Variants in MPHOSPH10 observed in about 807,000 individuals in gnomAD.
MPHOSPH10 encodes U3 small nucleolar ribonucleoprotein MPP10.
A neutral mutation model predicts 77.3 loss-of-function variants in MPHOSPH10; 33 were observed. That is an observed-to-expected ratio of 0.43 (90% CI 0.32 to 0.57). The LOEUF (loss-of-function observed/expected upper bound fraction) is 0.57, where lower values mean the gene tolerates loss of function less well. Ranked by LOEUF, MPHOSPH10 falls within the 20% of genes least tolerant of loss-of-function variation. MPHOSPH10 has a pLI of 0.07. For missense variants in MPHOSPH10, 708 were observed against 780.1 expected (o/e 0.91, Z 1.10); for synonymous variants, 245 against 268.0 (o/e 0.91, Z 0.84).
intron 1 of MPHOSPH10, among the ~76,000 whole-genome samples, chr2:71,131,643 T>G (rs1673382187): frequency 6.6e-6 from 1 of 151,782 alleles, no homozygotes; most frequent in African/African-American, 2.4e-5. Flanking sequence ...TTTATAGGAG[T>G]TGGGTAGGTA....
At chr2:71,138,975 A>G in intron 5 of MPHOSPH10, 1 of 544,744 alleles carries the variant, frequency 1.8e-6, no homozygotes, top group Admixed American at 3.1e-5. Context: ...GGGAGGTTGC[A>G]GTGAGCCAAG....
At chr2:71,140,309 C>G (rs72905528) in intron 6 of MPHOSPH10, among the ~76,000 whole-genome samples, 6,181 of 152,218 alleles carry the variant, frequency 0.041, 377 homozygotes, top group African/African-American at 0.13. Flanking sequence ...GGTCGAGGGG[C>G]CTTCTTACCA....
intron 9 of MPHOSPH10, chr2:71,148,993 G>C (rs1224358046): frequency 1.9e-6 from 1 of 536,794 alleles, no homozygotes; most frequent in African/African-American, 1.9e-5. Context: ...ATTAGTTTGG[G>C]AACTGAACCG....
chr2:71,134,540 G>T, intron 3 of MPHOSPH10, 86 bp from the exon 4 acceptor site: 1 of 1,282,118 alleles, frequency 7.8e-7, no homozygotes, highest in Non-Finnish European at 1.1e-6. Flanking sequence ...TATAAAATAA[G>T]AACTTTATTA....
At chr2:71,149,567 A>G in intron 10 of MPHOSPH10, 114 bp downstream of exon 10, 1 of 975,968 alleles carries the variant, frequency 1.0e-6, no homozygotes, top group Non-Finnish European at 1.5e-6. Flanking sequence ...CGGGATAGAG[A>G]TGCATGATGC....
At chr2:71,145,659 C>T (rs1673691945) in intron 8 of MPHOSPH10, among the ~76,000 whole-genome samples, 2 of 152,154 alleles carry the variant, frequency 1.3e-5, no homozygotes, top group African/African-American at 2.4e-5. Context: ...AATTTCTCAA[C>T]TCCTCTTGTC....
intron 1 of MPHOSPH10, among the ~76,000 whole-genome samples, 188 bp from the exon 2 acceptor site, chr2:71,132,710 G>C (rs1050388274): frequency 6.6e-6 from 1 of 152,202 alleles, no homozygotes; most frequent in Non-Finnish European, 1.5e-5. Flanking sequence ...CCGATTCACA[G>C]ATACTTGGTT....
At chr2:71,136,829 A>G (rs7596411) in intron 4 of MPHOSPH10, among the ~76,000 whole-genome samples, 1 of 147,884 alleles carries the variant, frequency 6.8e-6, no homozygotes, top group Non-Finnish European at 1.5e-5. Context: ...CATATAAAGA[A>G]TAAAGTAGAA....
intron 8 of MPHOSPH10, among the ~76,000 whole-genome samples, chr2:71,145,360 C>T (rs180832799): frequency 1.6e-4 from 24 of 152,326 alleles, no homozygotes; most frequent in Non-Finnish European, 1.8e-4. Context: ...CTTTATGATG[C>T]AGGCAATCGC....
chr2:71,141,050 C>T (rs1673600687), intron 6 of MPHOSPH10, among the ~76,000 whole-genome samples, 182 bp from the exon 7 acceptor site: 1 of 150,642 alleles, frequency 6.6e-6, no homozygotes, highest in African/African-American at 2.4e-5. Flanking sequence ...TTTGCTTACT[C>T]TGTAATAAGT....
Position 71,144,414 on chromosome 2 carries a change from A to G in MPHOSPH10, c.1447-14A>G, listed in dbSNP as rs767352942. The G allele has an allele frequency of 1.1e-5, 17 of 1,600,446 alleles. No homozygotes were observed. Among genetic ancestry groups the G allele is most frequent in the Non-Finnish European group, 1.5e-5 (17 of 1,168,008 alleles). On this transcript the variant is annotated splice_polypyrimidine_tract_variant and intron_variant, in intron 7 of 10. Coordinates refer to ENST00000244230, the MANE Select transcript of MPHOSPH10 (RefSeq NM_005791.3). ...AAGTCGCTTAGTTTGACATTGTTGA[A>G]CTTATTTCCTAAGCAAAAAACAGCA...
chr2:71,137,395 A>C (rs1052855173), intron 4 of MPHOSPH10, among the ~76,000 whole-genome samples: 2 of 152,212 alleles, frequency 1.3e-5, no homozygotes, highest in Admixed American at 6.5e-5. Flanking sequence ...GCGGTGGCTC[A>C]TGCCTGTAAT....
intron 8 of MPHOSPH10, among the ~76,000 whole-genome samples, chr2:71,145,058 A>C (rs1209528184): frequency 6.6e-6 from 1 of 152,120 alleles, no homozygotes. Flanking sequence ...GGAGAGTGAG[A>C]ACTAACTCTG....
rs1673531841 is a variant in MPHOSPH10, at chr2:71,138,166, T to C, written c.1099-324T>C. 2.6e-5 allele frequency among the ~76,000 whole-genome samples: 4 copies of C among 152,240 alleles called. No homozygotes were observed. In the South Asian group the frequency reaches 6.2e-4, roughly 24 times the overall value. ...GGTCAGACTCCATCAGATACTAATA[T>C]TCTAATCAAAGAATTACTTGACTTG... On this transcript the variant is annotated intron_variant, in intron 4 of 10. Transcript: ENST00000244230.
intron 1 of MPHOSPH10, among the ~76,000 whole-genome samples, chr2:71,131,927 G>A (rs1297498846): frequency 6.6e-6 from 1 of 152,176 alleles, no homozygotes; most frequent in Non-Finnish European, 1.5e-5. Flanking sequence ...TATATGTGCA[G>A]GTCACAGGGG....
intron 7 of MPHOSPH10, among the ~76,000 whole-genome samples, chr2:71,141,698 T>A (rs1394249137): frequency 6.6e-6 from 1 of 152,204 alleles, no homozygotes; most frequent in Non-Finnish European, 1.5e-5. Flanking sequence ...GATTATGAAT[T>A]CATTCTGATT....
At chr2:71,144,698 A>G (rs1037823882) in intron 8 of MPHOSPH10, among the ~76,000 whole-genome samples, 160 bp downstream of exon 8, 5 of 152,212 alleles carry the variant, frequency 3.3e-5, no homozygotes, top group Admixed American at 1.3e-4. Flanking sequence ...TTCTGGTCCC[A>G]TGACAGTTCT....
chr2:71,149,526 G>A (rs1673779578), intron 10 of MPHOSPH10, 73 bp downstream of exon 10: 1 of 1,405,222 alleles, frequency 7.1e-7, no homozygotes, highest in East Asian at 2.3e-5. Flanking sequence ...CTGGGTGACT[G>A]GAATGTCTGA....
At chr2:71,142,469 G>T (rs1673631248) in intron 7 of MPHOSPH10, among the ~76,000 whole-genome samples, 1 of 152,182 alleles carries the variant, frequency 6.6e-6, no homozygotes, top group Non-Finnish European at 1.5e-5. Flanking sequence ...CTAAATGTTA[G>T]TTTCATTTCT....
Sources: allele counts gnomAD v4.1 joint callset (sites outside exome capture counted in the v4.1 genomes callset), GRCh38; gene constraint gnomAD v4.1.1; transcripts MANE v1.5; gene names NCBI Gene and HGNC (gene_info 2026-07-23, HGNC 2026-07-21).